Variants in PRKN observed in about 807,000 individuals in gnomAD.
PRKN encodes parkin RBR E3 ubiquitin protein ligase.
In PRKN, 56 loss-of-function variants were observed where a neutral mutation model predicts 59.5. The ratio of observed to expected loss-of-function variants is 0.94; its 90% confidence interval spans 0.76 to 1.18. The LOEUF is 1.18. Ranked by LOEUF, PRKN falls within the 50% of genes most tolerant of loss-of-function variation. The probability of loss-of-function intolerance (pLI) is 0.00; values close to 1 mark genes in which losing one functional copy is unlikely to be tolerated. For synonymous variants in PRKN, 250 were observed against 222.1 expected (o/e 1.13, Z -1.12); for missense variants, 657 against 596.4 (o/e 1.10, Z -1.06).
rs577623466 is a variant in PRKN at position 161,767,361 on chromosome 6, A to C, written c.871+18411T>G. 1.1e-4 allele frequency among the ~76,000 whole-genome samples: 16 copies of C among 152,156 alleles called. 1 individual carries two copies. The South Asian group carries it at 2.3e-3, about 22-fold the overall frequency. ...ACGCCATCTCTACTAAAAATACAAAAACAAAATTAGTCGGGTGTGGTGGCG... is the reference window on the plus strand; with the variant it reads ...ACGCCATCTCTACTAAAAATACAAACACAAAATTAGTCGGGTGTGGTGGCG... On this transcript the variant is annotated intron_variant, in intron 7 of 11. Transcript: ENST00000366898.
intron 6 of PRKN, among the ~76,000 whole-genome samples, chr6:161,884,420 A>G (rs993274575): frequency 4.6e-5 from 7 of 152,218 alleles, no homozygotes; most frequent in Admixed American, 2.6e-4. Context: ...TTAAGATTCT[A>G]CTATGACATA....
intron 7 of PRKN, among the ~76,000 whole-genome samples, chr6:161,770,714 C>A (rs1007525435): frequency 6.6e-6 from 1 of 152,102 alleles, no homozygotes; most frequent in Non-Finnish European, 1.5e-5. Flanking sequence ...GAGATCCACC[C>A]GCCTCAGCCT....
chr6:162,169,304 C>CG (rs1783145697), intron 4 of PRKN, among the ~76,000 whole-genome samples: 1 of 152,142 alleles, frequency 6.6e-6, no homozygotes, highest in Non-Finnish European at 1.5e-5. Flanking sequence ...TTCTTTCCTT[C>CG]AGTTTCTTCA....
At chr6:161,977,693 G>A (rs560413821) in intron 5 of PRKN, among the ~76,000 whole-genome samples, 4 of 151,286 alleles carry the variant, frequency 2.6e-5, no homozygotes, top group South Asian at 4.2e-4. Flanking sequence ...ACCACAAGGC[G>A]CCCGCCACCA....
chr6:162,264,413 C>T (rs1780033782), intron 2 of PRKN, among the ~76,000 whole-genome samples: 1 of 152,064 alleles, frequency 6.6e-6, no homozygotes, highest in Non-Finnish European at 1.5e-5. Context: ...GAATGATGCC[C>T]TTCCCTGCTG....
At chr6:162,077,478 T>C (rs1333938670) in intron 4 of PRKN, among the ~76,000 whole-genome samples, 4 of 152,084 alleles carry the variant, frequency 2.6e-5, no homozygotes, top group African/African-American at 7.3e-5. Flanking sequence ...TTTATGGCTG[T>C]TTATTTTGTT....
intron 7 of PRKN, among the ~76,000 whole-genome samples, chr6:161,659,712 C>A (rs1784476494): frequency 6.6e-6 from 1 of 152,050 alleles, no homozygotes; most frequent in African/African-American, 2.4e-5. Context: ...TGGAGTCAGA[C>A]AGGCCTGAGG....
chr6:162,351,484 G>A (rs978829695), intron 2 of PRKN, among the ~76,000 whole-genome samples: 9 of 152,218 alleles, frequency 5.9e-5, no homozygotes, highest in African/African-American at 2.2e-4. Flanking sequence ...TATGTTTCTG[G>A]TCTAAATGGA....
At chr6:161,905,727 G>A (rs915646894) in intron 6 of PRKN, among the ~76,000 whole-genome samples, 1 of 151,760 alleles carries the variant, frequency 6.6e-6, no homozygotes, top group Non-Finnish European at 1.5e-5. Context: ...TGGAGAGGCC[G>A]AGGTGGGCGG....
In PRKN at chr6:161,583,621, A is replaced by G. The variant is rs532324583; in HGVS notation, c.872-14205T>C. ...ATTAGCAATTTTACCACCCAGAGAC[A>G]GTCACCAGTATTTTTTTATGAATCA... On this transcript the variant is annotated intron_variant, in intron 7 of 11. Transcript: ENST00000366898. Among the ~76,000 whole-genome samples the G allele has an allele frequency of 1.2e-4, 18 of 152,342 alleles. No homozygotes were observed. In the South Asian group the frequency reaches 1.7e-3, roughly 14 times the overall value.
chr6:161,514,515 G>A (rs1778514483), intron 9 of PRKN, among the ~76,000 whole-genome samples: 1 of 152,140 alleles, frequency 6.6e-6, no homozygotes, highest in Admixed American at 6.5e-5. Flanking sequence ...TTTTGAGGAT[G>A]AGCTTGAACA....
chr6:162,006,886 A>G (rs1285973128), intron 5 of PRKN, among the ~76,000 whole-genome samples: 2 of 152,082 alleles, frequency 1.3e-5, no homozygotes, highest in Non-Finnish European at 2.9e-5. Context: ...TATAAGCTCC[A>G]TAAGTCCAGT....
chr6:162,722,490 G>C (rs1475344116), intron 1 of PRKN, among the ~76,000 whole-genome samples: 1 of 152,068 alleles, frequency 6.6e-6, no homozygotes, highest in Non-Finnish European at 1.5e-5. Flanking sequence ...TTACTACGAA[G>C]AAACATTTAA....
chr6:161,944,303 C>T (rs1283594809), intron 6 of PRKN, among the ~76,000 whole-genome samples: 1 of 152,200 alleles, frequency 6.6e-6, no homozygotes, highest in Non-Finnish European at 1.5e-5. Context: ...GATAGCTTGA[C>T]AAAGGTTTGG....
chr6:162,420,137 G>C (rs748517628), intron 2 of PRKN, among the ~76,000 whole-genome samples: 6 of 151,854 alleles, frequency 4.0e-5, no homozygotes, highest in Admixed American at 3.3e-4. Context: ...TGGGAGCTGT[G>C]AGCTTGTTTT....
chr6:161,528,729 T>C (rs1779099234), intron 9 of PRKN, among the ~76,000 whole-genome samples: 1 of 152,058 alleles, frequency 6.6e-6, no homozygotes, highest in African/African-American at 2.4e-5. Context: ...ACTGAGTAAC[T>C]TCTTGTCAGT....
chr6:162,350,761 A>G (rs899836210), intron 2 of PRKN, among the ~76,000 whole-genome samples: 1 of 152,196 alleles, frequency 6.6e-6, no homozygotes, highest in Non-Finnish European at 1.5e-5. Context: ...TTGGGTTAAG[A>G]AAACACTTTT....
intron 2 of PRKN, among the ~76,000 whole-genome samples, chr6:162,318,074 T>C (rs987600451): frequency 1.3e-5 from 2 of 151,990 alleles, no homozygotes; most frequent in African/African-American, 4.8e-5. Flanking sequence ...CACTTCCTGA[T>C]TCCTACCCCT....
intron 7 of PRKN, among the ~76,000 whole-genome samples, chr6:161,673,580 C>G (rs753266163): frequency 6.6e-6 from 1 of 152,120 alleles, no homozygotes. Context: ...AGAGTTGGGA[C>G]GTTATTTGAC....
Sources: allele counts gnomAD v4.1 joint callset (sites outside exome capture counted in the v4.1 genomes callset), GRCh38; gene constraint gnomAD v4.1.1; transcripts MANE v1.5; gene names NCBI Gene and HGNC (gene_info 2026-07-23, HGNC 2026-07-21).